Variants in ARHGAP28 observed in about 807,000 individuals in gnomAD.
ARHGAP28 encodes the protein rho GTPase-activating protein 28.
Under a neutral mutation model 90.7 loss-of-function variants are expected in ARHGAP28, and 56 were observed. The observed-to-expected ratio is 0.62, with a 90% confidence interval of 0.50 to 0.77. The LOEUF is 0.77. ARHGAP28 is among the 30% of genes least tolerant of loss of function. The pLI, the probability that ARHGAP28 is intolerant of heterozygous loss-of-function variation, is 0.00. For missense variants in ARHGAP28, 869 were observed against 900.9 expected, an observed-to-expected ratio of 0.96 and a Z score of 0.45; for synonymous variants, 308 against 323.3, an observed-to-expected ratio of 0.95 and a Z score of 0.51.
At chr18:6,794,351 C>T (rs889662685) in intron 1 of ARHGAP28, among the ~76,000 whole-genome samples, 14 of 152,126 alleles carry the variant, frequency 9.2e-5, no homozygotes, top group Non-Finnish European at 1.9e-4. Context: ...AGAAATTGTC[C>T]GTTCTAAAAA....
chr18:6,758,689 C>T (rs2056133807), intron 1 of ARHGAP28, among the ~76,000 whole-genome samples: 1 of 152,234 alleles, frequency 6.6e-6, no homozygotes, highest in East Asian at 1.9e-4. Context: ...ACAAATTGTC[C>T]AGTTTTCCTC....
At chr18:6,747,752 A>T (rs1048812263) in intron 1 of ARHGAP28, among the ~76,000 whole-genome samples, 1 of 152,228 alleles carries the variant, frequency 6.6e-6, no homozygotes, top group Non-Finnish European at 1.5e-5. Context: ...GCTACTAATC[A>T]TAAACATATG....
At chr18:6,822,492 T>G (rs924159114) in intron 1 of ARHGAP28, among the ~76,000 whole-genome samples, 8 of 152,176 alleles carry the variant, frequency 5.3e-5, no homozygotes, top group African/African-American at 1.9e-4. Context: ...AATAATAAAA[T>G]TAATAATAGC....
At chr18:6,736,123 A>G (rs532692625) in intron 1 of ARHGAP28, among the ~76,000 whole-genome samples, 1 of 152,282 alleles carries the variant, frequency 6.6e-6, no homozygotes, top group East Asian at 1.9e-4. Flanking sequence ...TCTTGTCACT[A>G]CAATTCACTA....
intron 1 of ARHGAP28, among the ~76,000 whole-genome samples, chr18:6,818,254 TCAC>T (rs1471929224): frequency 1.3e-5 from 2 of 152,162 alleles, no homozygotes; most frequent in African/African-American, 4.8e-5. Context: ...TTTGTCTAAA[TCAC>T]CACACTATAT....
At chr18:6,849,849 C>G (rs968156728) in intron 3 of ARHGAP28, among the ~76,000 whole-genome samples, 1 of 152,072 alleles carries the variant, frequency 6.6e-6, no homozygotes, top group Non-Finnish European at 1.5e-5. Context: ...CATCAGCACT[C>G]AGCTTTTTGT....
intron 12 of ARHGAP28, among the ~76,000 whole-genome samples, chr18:6,889,322 T>C (rs2057246051): frequency 6.6e-6 from 1 of 152,198 alleles, no homozygotes; most frequent in Non-Finnish European, 1.5e-5. Context: ...TGGCCAGCTG[T>C]CAATTTCAAA....
At chr18:6,900,359 GA>G (rs1264634466) in intron 16 of ARHGAP28, among the ~76,000 whole-genome samples, 13 of 152,130 alleles carry the variant, frequency 8.5e-5, no homozygotes, top group Admixed American at 6.5e-5. Flanking sequence ...AGAATTTTCT[GA>G]CAAGAATTTT....
intron 4 of ARHGAP28, among the ~76,000 whole-genome samples, chr18:6,858,059 G>C (rs2056967939): frequency 6.6e-6 from 1 of 152,040 alleles, no homozygotes. Flanking sequence ...CTTTTGTTGT[G>C]GCATCTGGAG....
At chr18:6,827,311 G>T (rs571803487) in intron 2 of ARHGAP28, among the ~76,000 whole-genome samples, 5 of 149,574 alleles carry the variant, frequency 3.3e-5, no homozygotes, top group South Asian at 4.3e-4. Context: ...CTGGCCGGGC[G>T]GGGGGCTGAA....
intron 1 of ARHGAP28, among the ~76,000 whole-genome samples, chr18:6,783,583 G>A (rs2056343971): frequency 1.3e-5 from 2 of 152,032 alleles, no homozygotes; most frequent in Admixed American, 1.3e-4. Context: ...TTACAGGCGT[G>A]AGCCACCATG....
intron 1 of ARHGAP28, among the ~76,000 whole-genome samples, chr18:6,817,062 C>T (rs2143723210): frequency 6.6e-6 from 1 of 151,558 alleles, no homozygotes; most frequent in East Asian, 1.9e-4. Context: ...TGCACTCCAG[C>T]CTGGGTGGCA....
At chr18:6,820,682 TA>T (rs2056620922) in intron 1 of ARHGAP28, among the ~76,000 whole-genome samples, 1 of 152,210 alleles carries the variant, frequency 6.6e-6, no homozygotes, top group African/African-American at 2.4e-5. Context: ...CAAAGAATTG[TA>T]ACTGACTCTC....
At chr18:6,865,812 G>C (rs1219587875) in intron 5 of ARHGAP28, among the ~76,000 whole-genome samples, 2 of 152,056 alleles carry the variant, frequency 1.3e-5, no homozygotes, top group African/African-American at 4.8e-5. Context: ...GGTGTAACTA[G>C]GGCAGCAGAG....
At chr18:6,761,208 G>A (rs929120393) in intron 1 of ARHGAP28, among the ~76,000 whole-genome samples, 1 of 152,062 alleles carries the variant, frequency 6.6e-6, no homozygotes, top group Non-Finnish European at 1.5e-5. Context: ...AACATGGGGC[G>A]AGCTCCTGAG....
intron 1 of ARHGAP28, among the ~76,000 whole-genome samples, chr18:6,815,815 C>T (rs930997945): frequency 2.6e-5 from 4 of 152,012 alleles, no homozygotes; most frequent in Non-Finnish European, 5.9e-5. Context: ...GTTGTTCATT[C>T]TTCCATTGCC....
chr18:6,780,419 CTT>C (rs2056315118), intron 1 of ARHGAP28, among the ~76,000 whole-genome samples: 1 of 152,124 alleles, frequency 6.6e-6, no homozygotes, highest in African/African-American at 2.4e-5. Flanking sequence ...CTAGAGATGA[CTT>C]AAAGTGTTGG....
intron 1 of ARHGAP28, among the ~76,000 whole-genome samples, chr18:6,778,717 C>T (rs181697107): frequency 1.6e-4 from 24 of 152,294 alleles, no homozygotes; most frequent in African/African-American, 4.3e-4. Context: ...GTGTGACTAA[C>T]GAGCATTAGT....
At chr18:6,793,551 T>C (rs953908991) in intron 1 of ARHGAP28, among the ~76,000 whole-genome samples, 4 of 152,120 alleles carry the variant, frequency 2.6e-5, no homozygotes, top group African/African-American at 4.8e-5. Flanking sequence ...AGAATTACAA[T>C]TGATTTTCAG....
Sources: gnomAD v4.1 joint callset for allele counts (sites outside exome capture counted in the v4.1 genomes callset) on GRCh38, gnomAD v4.1.1 for gene constraint, MANE v1.5 for transcripts, NCBI Gene and HGNC (gene_info 2026-07-23, HGNC 2026-07-21) for gene names.